The following CCDC171 variants were observed in gnomAD, a reference collection of about 807,000 sequenced individuals.
The protein encoded by CCDC171 is coiled-coil domain containing 171.
CCDC171 carries 177 observed loss-of-function variants against 168.2 expected under a neutral mutation model. That is an observed-to-expected ratio of 1.05 (90% confidence interval 0.93 to 1.19). The LOEUF (loss-of-function observed/expected upper bound fraction) is 1.19. Ranked by LOEUF, CCDC171 falls within the 50% of genes most tolerant of loss-of-function variation. CCDC171 has a pLI of 0.00. For missense variants in CCDC171, 1,991 were observed against 1,539.0 expected, an observed-to-expected ratio of 1.29 and a Z score of -4.91; for synonymous variants, 687 against 540.8, an observed-to-expected ratio of 1.27 and a Z score of -3.75.
At chr9:15,664,833 G>T (rs892346549) in intron 8 of CCDC171, among the ~76,000 whole-genome samples, 2 of 151,444 alleles carry the variant, frequency 1.3e-5, no homozygotes. Flanking sequence ...CTAGTGGCTG[G>T]GATTACAGGC....
chr9:15,863,496 A>T lies in CCDC171; in HGVS notation c.3469-11036A>T, dbSNP rs566528442. Among the ~76,000 whole-genome samples, 47 of 151,832 alleles carry T rather than the reference A, an allele frequency of 3.1e-4. No individual in the cohort carries two copies. In the South Asian group the frequency reaches 6.0e-3, roughly 19 times the overall value. ...TTGTCACAAACAGAATTCTTGGTTG[A>T]CACATTTTTTTTTTCTAACTACCCC... On this transcript the variant is annotated intron_variant, in intron 23 of 25. Coordinates refer to ENST00000380701, the MANE Select transcript of CCDC171 (RefSeq NM_173550.4).
intron 3 of CCDC171, among the ~76,000 whole-genome samples, chr9:15,999,226 A>G (rs1298980268): frequency 6.6e-6 from 1 of 151,592 alleles, no homozygotes; most frequent in Non-Finnish European, 1.5e-5. Context: ...AAAGGAAAAG[A>G]GGAAGAAAGA....
intron 3 of CCDC171, among the ~76,000 whole-genome samples, chr9:15,981,608 T>A (rs2132870687): frequency 6.6e-6 from 1 of 152,304 alleles, no homozygotes; most frequent in Admixed American, 6.5e-5. Flanking sequence ...CTTTTTAAGT[T>A]GTAACTACCT....
intron 18 of CCDC171, among the ~76,000 whole-genome samples, chr9:15,750,817 A>G (rs979499953): frequency 3.3e-5 from 5 of 152,208 alleles, no homozygotes; most frequent in African/African-American, 7.2e-5. Flanking sequence ...CCCACAGCCA[A>G]TATCATACTG....
intron 23 of CCDC171, among the ~76,000 whole-genome samples, chr9:15,852,676 C>T (rs78041839): frequency 0.011 from 1,744 of 151,654 alleles, 59 homozygotes; most frequent in South Asian, 0.11. Flanking sequence ...TGAAGCTTTC[C>T]CCTCTGTTTT....
At chr9:15,851,438 G>C (rs78848791) in intron 23 of CCDC171, among the ~76,000 whole-genome samples, 24 of 151,678 alleles carry the variant, frequency 1.6e-4, no homozygotes, top group African/African-American at 3.4e-4. Flanking sequence ...TTTTGGGGGG[G>C]AATTTCAAGT....
chr9:15,801,040 A>C (rs1228661298), intron 21 of CCDC171, among the ~76,000 whole-genome samples: 1 of 152,046 alleles, frequency 6.6e-6, no homozygotes, highest in African/African-American at 2.4e-5. Context: ...GAAGACAGGT[A>C]ATAGGATTCC....
intron 24 of CCDC171, among the ~76,000 whole-genome samples, chr9:15,881,715 C>A (rs751411561): frequency 7.2e-5 from 11 of 152,180 alleles, no homozygotes; most frequent in Non-Finnish European, 1.5e-4. Flanking sequence ...TGAGTCAGAA[C>A]ATGCAATATT....
chr9:15,992,944 A>G (rs1436561833), intron 3 of CCDC171, among the ~76,000 whole-genome samples: 1 of 152,198 alleles, frequency 6.6e-6, no homozygotes, highest in African/African-American at 2.4e-5. Context: ...AAAATAAAAG[A>G]GGACACAAAC....
At chr9:16,046,294 G>C (rs1328296) in intron 1 of CCDC171, among the ~76,000 whole-genome samples, 56,845 of 151,898 alleles carry the variant, frequency 0.37, 13,348 homozygotes, top group East Asian at 0.74. Flanking sequence ...GGTTTCAGAG[G>C]AGCAGGGTGC....
At chr9:16,048,042 A>C (rs1396084854) in intron 1 of CCDC171, among the ~76,000 whole-genome samples, 2 of 152,250 alleles carry the variant, frequency 1.3e-5, no homozygotes, top group East Asian at 3.8e-4. Flanking sequence ...AAGTTGGCTC[A>C]AAGGGATGGC....
intron 21 of CCDC171, among the ~76,000 whole-genome samples, chr9:15,832,425 A>G (rs2060271477): frequency 6.6e-6 from 1 of 152,214 alleles, no homozygotes; most frequent in African/African-American, 2.4e-5. Flanking sequence ...ACAGACCTAC[A>G]TAGTATACCC....
chr9:16,037,293 T>C (rs1312175605), intron 8 of CCDC171, among the ~76,000 whole-genome samples: 1 of 152,114 alleles, frequency 6.6e-6, no homozygotes, highest in Non-Finnish European at 1.5e-5. Flanking sequence ...TAAAAATAAA[T>C]ACATGGATGA....
intron 16 of CCDC171, among the ~76,000 whole-genome samples, chr9:15,734,787 A>T (rs1438509045): frequency 2.0e-5 from 3 of 152,144 alleles, no homozygotes; most frequent in African/African-American, 7.2e-5. Flanking sequence ...TTCATTTTAC[A>T]TTACTTAATA....
At chr9:16,006,608 T>C (rs1007545563) in intron 3 of CCDC171, among the ~76,000 whole-genome samples, 1 of 141,188 alleles carries the variant, frequency 7.1e-6, no homozygotes. Context: ...CAGTCCCTGG[T>C]GTGTGATGTT....
rs547513123 is a variant in CCDC171, at chr9:15,946,123, T to C, written c.3754-25486T>C. Among the ~76,000 whole-genome samples the C allele has an allele frequency of 7.2e-5, 11 of 152,082 alleles. No individual in the cohort carries two copies. The South Asian group carries it at 2.3e-3, about 32-fold the overall frequency. On this transcript the variant is annotated intron_variant, in intron 25 of 25. Coordinates refer to ENST00000380701, the MANE Select transcript of CCDC171 (RefSeq NM_173550.4). ...TGGCTAGCCAGTTTTCCCAGCATCA[T>C]TTATTAAATAGGGAATCCTTTCCCC...
intron 2 of CCDC171, 122 bp downstream of exon 2, chr9:15,564,251 C>G (rs2039545500): frequency 1.5e-6 from 1 of 656,874 alleles, no homozygotes; most frequent in South Asian, 2.1e-5. Context: ...AGTAGAAATT[C>G]TGTGGGACTG....
chr9:16,059,604 T>C (rs1833900444), intron 1 of CCDC171, among the ~76,000 whole-genome samples: 1 of 145,812 alleles, frequency 6.9e-6, no homozygotes, highest in South Asian at 2.2e-4. Context: ...AAGCTCCGCT[T>C]CCCAGGTTCA....
intron 25 of CCDC171, among the ~76,000 whole-genome samples, chr9:15,937,166 C>A (rs540499103): frequency 6.6e-6 from 1 of 151,910 alleles, no homozygotes; most frequent in Non-Finnish European, 1.5e-5. Flanking sequence ...TTTATTACAC[C>A]TAAATTTTCC....
Sources: allele counts gnomAD v4.1 joint callset (sites outside exome capture counted in the v4.1 genomes callset), GRCh38; gene constraint gnomAD v4.1.1; transcripts MANE v1.5; gene names NCBI Gene and HGNC (gene_info 2026-07-23, HGNC 2026-07-21).